The following CFAP46 variants were observed in gnomAD, a reference collection of about 807,000 sequenced individuals.
The protein encoded by CFAP46 is cilia and flagella associated protein 46.
In CFAP46, 245 loss-of-function variants were observed where a neutral mutation model predicts 325.7. That is an observed-to-expected ratio of 0.75 (90% CI 0.68 to 0.84). The LOEUF is 0.84. Among genes scored for constraint, CFAP46 ranks in the 40% least tolerant of loss-of-function variants. The pLI is 0.00. For synonymous variants in CFAP46, 1,523 were observed against 1,495.9 expected (o/e 1.02, Z -0.42); for missense variants, 3,346 against 3,543.0 (o/e 0.94, Z 1.41).
At chr10:132,820,864 C>CTG (rs200153580) in intron 50 of CFAP46, among the ~76,000 whole-genome samples, 2 of 110,388 alleles carry the variant, frequency 1.8e-5, no homozygotes, top group Non-Finnish European at 1.8e-5. Flanking sequence ...CTGATGTGTG[C>CTG]TGTGTGTGCT....
chr10:132,822,478 GTGTGTGCTGTGTGTGCTGATGTGTGC>G (rs1393028691), intron 50 of CFAP46, among the ~76,000 whole-genome samples: 3 of 136,326 alleles, frequency 2.2e-5, no homozygotes, highest in Admixed American at 7.3e-5. Context: ...GATGTGTGCT[GTGTGTGCTGTGTGTGCTGATGTGTGC>G]TGTGTGCTGA....
intron 50 of CFAP46, among the ~76,000 whole-genome samples, chr10:132,815,188 TCAC>T (rs554618003): frequency 6.6e-6 from 1 of 152,336 alleles, no homozygotes; most frequent in East Asian, 1.9e-4. Flanking sequence ...CACTGGGTAC[TCAC>T]CAGTGTGCCT....
At position 132,941,717 on chromosome 10, in the gene CFAP46, C is replaced by T. The variant is rs1301308208; in HGVS notation, c.180G>A (p.Arg60=). ...TGCAGTCCTCGCTCACCTCTGGCTGCCTCATCTGCAAGAGAACACCACCAC... is the reference window on the plus strand; with the variant it reads ...TGCAGTCCTCGCTCACCTCTGGCTGTCTCATCTGCAAGAGAACACCACCAC... ...VLCAEQALKM[R]QPEVSEDCIQ... is the part of the protein sequence containing the mutation. The change falls in exon 3 of 58, where the codon AGG becomes AGA. Residue 60 remains arginine (R), a synonymous_variant. Transcript: ENST00000368586. 6.2e-7 allele frequency: 1 copy of T among 1,613,922 alleles called. No individual in the cohort carries two copies.
chr10:132,864,604 G>GT (rs1389082643), intron 35 of CFAP46, among the ~76,000 whole-genome samples: 2 of 100,324 alleles, frequency 2.0e-5, no homozygotes. Context: ...GCACACACCT[G>GT]CCCTCAGTGC....
At position 132,865,811 on chromosome 10, in the gene CFAP46, A is replaced by C. The variant is rs146665270; in HGVS notation, c.4890+214T>G. 9.2e-3 allele frequency among the ~76,000 whole-genome samples: 1,409 copies of C among 152,360 alleles called. 12 individuals are homozygous for C. Among genetic ancestry groups the C allele is most frequent in the South Asian group, 0.044 (210 of 4,822 alleles). ...GACCAACAGCAGGTACTGGAAATAG[A>C]AACTTCAGCAAACTGTGAGTGGCAG... On this transcript the variant is annotated intron_variant, in intron 35 of 57. Transcript: ENST00000368586.
At position 132,822,113 on chromosome 10, in the gene CFAP46, CTG is replaced by C. The variant is rs566319448; in HGVS notation, c.7118-7201_7118-7200del. 4.7e-3 allele frequency among the ~76,000 whole-genome samples: 594 copies of C among 127,062 alleles called. 13 individuals are homozygous for C. Among genetic ancestry groups the C allele is most frequent in the African/African-American group, 0.017 (536 of 31,426 alleles). The allele number at this position is 127,062 out of a possible 152,430, so 83.4% of individuals were successfully genotyped here. A position where few individuals can be genotyped will look rare whatever the true frequency, so the allele number is the denominator to read the frequency against. On this transcript the variant is annotated intron_variant, in intron 50 of 57. Coordinates refer to ENST00000368586, the MANE Select transcript of CFAP46 (RefSeq NM_001200049.3). ...TGTGCTGTGTGAGTGCTGATGTGTGCTGTGTGTGCACTTGTGTGTGCTGTGTG... is the reference window on the plus strand; with the variant it reads ...TGTGCTGTGTGAGTGCTGATGTGTGCTGTGTGCACTTGTGTGTGCTGTGTG...
Position 132,922,007 on chromosome 10 carries a change from TG to T in CFAP46, c.1606+96del. On this transcript the variant is annotated intron_variant, in intron 13 of 57. Transcript: ENST00000368586. Reference sequence around the variant, plus strand: ...AGGTCCTTGTGCATCCAGGGGGCGGTGGCAGGGAGCATGGGGACTGGGGAGG... The same window carrying T: ...AGGTCCTTGTGCATCCAGGGGGCGGTGCAGGGAGCATGGGGACTGGGGAGG... 4.3e-6 allele frequency: 6 copies of T among 1,395,152 alleles called. No individual in the cohort carries two copies. In the South Asian group the frequency reaches 8.8e-5, roughly 20 times the overall value. The allele number at this position is 1,395,152 out of a possible 1,614,324, so 86.4% of individuals were successfully genotyped here.
At position 132,867,492 on chromosome 10, in the gene CFAP46, G is replaced by A. The variant is rs893455148; in HGVS notation, c.4626C>T (p.Ile1542=). The part of the protein sequence containing the change: ...ELEQASCRKE[I]ALKKEKNKEP... ...CCTTATTTTTCTCTTTTTTCAACGC[G>A]ATCTCTTTTCTGCAGCTAATGCGAG... is the stretch of plus-strand genomic sequence containing the variant. Residue 1542 remains isoleucine, a synonymous_variant, in exon 34 of 58, where the codon ATC becomes ATT. Transcript: ENST00000368586. 2.9e-5 allele frequency: 45 copies of A among 1,549,940 alleles called. No homozygotes were observed. Among genetic ancestry groups the A allele is most frequent in the Middle Eastern group, 1.7e-4 (1 of 5,992 alleles).
rs1849123389 is a variant in CFAP46, at chr10:132,885,919, G to A, written c.3345C>T (p.Gly1115=). 6.5e-7 allele frequency: 1 copy of A among 1,550,314 alleles called. No individual in the cohort carries two copies. The highest frequency in any genetic ancestry group is 8.7e-7 in the Non-Finnish European group (1 of 1,146,870). ...GGTCGGCATGGCTGTGGAAGAGCAG[G>A]CCGTAGAGCGCAGCACGGAGCGCCA... The part of the protein sequence containing the change: ...DDLALRAALY[G]LLFHSHADQD... Residue 1115 remains glycine, a synonymous_variant, in exon 26 of 58, where the codon GGC becomes GGT. Coordinates refer to ENST00000368586, the MANE Select transcript of CFAP46 (RefSeq NM_001200049.3).
Position 132,864,362 on chromosome 10 carries a change from ACACC to A in CFAP46, c.4890+1659_4890+1662del, listed in dbSNP as rs1223928835. Among the ~76,000 whole-genome samples, 226 of 112,264 alleles carry A rather than the reference ACACC, an allele frequency of 2.0e-3. 5 individuals carry two copies. Among genetic ancestry groups the A allele is most frequent in the Middle Eastern group, 7.1e-3 (1 of 140 alleles). The allele number at this position is 112,264 out of a possible 152,430, so 73.6% of individuals were successfully genotyped here. A position where few individuals can be genotyped will look rare whatever the true frequency, so the allele number is the denominator to read the frequency against. On this transcript the variant is annotated intron_variant, in intron 35 of 57. Transcript: ENST00000368586. ...TGTCCCCAGTGCCTGAGACCTGCAC[ACACC>A]TGTCCCCAGTGCCTGAGACCTGCAC... is the stretch of plus-strand genomic sequence containing the variant.
Position 132,877,067 on chromosome 10 carries a change from C to T in CFAP46, c.4213-106G>A. 1 of 1,156,018 alleles carries T rather than the reference C, an allele frequency of 8.7e-7. No homozygotes were observed. Among genetic ancestry groups the T allele is most frequent in the Non-Finnish European group, 1.2e-6 (1 of 826,138 alleles). 71.6% of individuals were successfully genotyped at this position (1,156,018 alleles called of 1,614,324 possible). A position where few individuals can be genotyped will look rare whatever the true frequency, so the allele number is the denominator to read the frequency against. ...GCAGCATTCAGGCCACAGCCCTGGG[C>T]AGCCGGCATCCTCCCCACCACCAGG... On this transcript the variant is annotated intron_variant, in intron 30 of 57. Coordinates refer to ENST00000368586, the MANE Select transcript of CFAP46 (RefSeq NM_001200049.3). This position sits in a 1 kb window ranked among gnomAD's most constrained non-coding sequence, Gnocchi z 5.7.
intron 50 of CFAP46, among the ~76,000 whole-genome samples, chr10:132,823,157 G>A (rs1591035497): frequency 7.8e-6 from 1 of 128,754 alleles, no homozygotes; most frequent in Admixed American, 8.4e-5. Flanking sequence ...TGTGTGCTGT[G>A]TGAGTGATGT....
At chr10:132,853,657 G>A (rs1282889766) in intron 39 of CFAP46, among the ~76,000 whole-genome samples, 1 of 152,144 alleles carries the variant, frequency 6.6e-6, no homozygotes, top group African/African-American at 2.4e-5. Context: ...CGTTTCCTTT[G>A]TGAGAATGTT....
intron 49 of CFAP46, 92 bp from the exon 50 acceptor site, chr10:132,833,617 C>T (rs1027934154): frequency 1.1e-5 from 16 of 1,427,018 alleles, no homozygotes; most frequent in East Asian, 6.9e-5. Flanking sequence ...GGCTGCTGGG[C>T]GCTGGGAAAG....
At chr10:132,850,498 C>G in intron 40 of CFAP46, 66 bp from the exon 41 acceptor site, 4 of 1,434,060 alleles carry the variant, frequency 2.8e-6, no homozygotes, top group Non-Finnish European at 2.8e-6. Context: ...CCCAGGGGAC[C>G]CAGTGAGCCC....
Position 132,898,939 on chromosome 10 carries a change from C to T in CFAP46, c.3219+20G>A, listed in dbSNP as rs932893217. The T allele has an allele frequency of 1.9e-6, 3 of 1,550,248 alleles. No individual in the cohort carries two copies. Among genetic ancestry groups the T allele is most frequent in the African/African-American group, 2.7e-5 (2 of 73,040 alleles). On this transcript the variant is annotated intron_variant, in intron 24 of 57. Coordinates refer to ENST00000368586, the MANE Select transcript of CFAP46 (RefSeq NM_001200049.3). ...AGAGGCCTCAGTGGGAGTCAGGAGC[C>T]CCCTCCAGGGCTGGTGCACCTGCTT...
At chr10:132,822,581 T>C (rs1847888226) in intron 50 of CFAP46, among the ~76,000 whole-genome samples, 1 of 137,070 alleles carries the variant, frequency 7.3e-6, no homozygotes, top group Non-Finnish European at 1.6e-5. Context: ...GTGTGTGTGC[T>C]GTGTGCTGTG....
rs1171381666 is a variant in CFAP46 at position 132,828,825 on chromosome 10, A to G, written c.7117+4533T>C. Among the ~76,000 whole-genome samples the G allele has an allele frequency of 6.6e-6, 1 of 152,080 alleles. No individual in the cohort carries two copies. The highest frequency in any genetic ancestry group is 1.5e-5 in the Non-Finnish European group (1 of 68,026). ...GGACGTCCAGGGACTGCAGCCACTC[A>G]TGGAGATGCCCTTCCTCCGCTCAGC... On this transcript the variant is annotated intron_variant, in intron 50 of 57. Coordinates refer to ENST00000368586, the MANE Select transcript of CFAP46 (RefSeq NM_001200049.3). This position sits in a 1 kb window ranked among gnomAD's most constrained non-coding sequence, Gnocchi z 4.9.
intron 50 of CFAP46, among the ~76,000 whole-genome samples, chr10:132,821,880 G>A (rs1847845188): frequency 1.4e-5 from 2 of 146,724 alleles, no homozygotes; most frequent in African/African-American, 5.2e-5. Flanking sequence ...TGTGTGCTGT[G>A]TGTGCAGTGA....
Sources: allele counts gnomAD v4.1 joint callset (sites outside exome capture counted in the v4.1 genomes callset), GRCh38; gene constraint gnomAD v4.1.1; non-coding constraint Gnocchi (gnomAD v3.1); transcripts MANE v1.5; gene names NCBI Gene and HGNC (gene_info 2026-07-23, HGNC 2026-07-21).